The following ACACA variants were observed in gnomAD, a reference collection of about 807,000 sequenced individuals.
ACACA encodes the protein acetyl-CoA carboxylase alpha.
A neutral mutation model predicts 296.1 loss-of-function variants in ACACA; 103 were observed. That is an observed-to-expected ratio of 0.35 (90% confidence interval 0.30 to 0.41). ACACA has a LOEUF of 0.41. Ranked by LOEUF, ACACA falls within the 10% of genes least tolerant of loss-of-function variation. The pLI, the probability that ACACA is intolerant of heterozygous loss-of-function variation, is 1.00. For synonymous variants in ACACA, 953 were observed against 1,038.6 expected (o/e 0.92, Z 1.58); for missense variants, 1,554 against 2,989.7 (o/e 0.52, Z 11.20).
At chr17:37,323,429 TA>T (rs1238676639) in intron 3 of ACACA, among the ~76,000 whole-genome samples, 2 of 152,182 alleles carry the variant, frequency 1.3e-5, no homozygotes, top group Non-Finnish European at 2.9e-5. Context: ...ACCCCATCTC[TA>T]AAAAAATTTT....
At chr17:37,277,623 G>A (rs1346144269) in intron 6 of ACACA, among the ~76,000 whole-genome samples, 2 of 152,142 alleles carry the variant, frequency 1.3e-5, no homozygotes, top group African/African-American at 4.8e-5. Flanking sequence ...ACAACAAACA[G>A]GTAATTTTTA....
In ACACA at chr17:37,252,999, C is replaced by T; in HGVS notation, c.1864G>A (p.Gly622Ser). ...VVALKELSIR[G>S]DFRTTVEYLI... Reference sequence around the variant, plus strand: ...TATTCAACTGTAGTTCGAAAGTCACCCCGAATAGACAGCTCCTTCAAAGCC... The same window carrying T: ...TATTCAACTGTAGTTCGAAAGTCACTCCGAATAGACAGCTCCTTCAAAGCC... The change falls in exon 15 of 56, where the codon GGT becomes AGT. Residue 622 changes from glycine to serine, a missense_variant. Coordinates refer to ENST00000616317, the MANE Select transcript of ACACA (RefSeq NM_198834.3). 6.2e-7 allele frequency: 1 copy of T among 1,614,180 alleles called. No individual in the cohort carries two copies. The highest frequency in any genetic ancestry group is 8.5e-7 in the Non-Finnish European group (1 of 1,180,026).
intron 52 of ACACA, among the ~76,000 whole-genome samples, chr17:37,107,556 A>T (rs1220550736): frequency 6.6e-6 from 1 of 152,170 alleles, no homozygotes; most frequent in Non-Finnish European, 1.5e-5. Flanking sequence ...GCCTAGAAGG[A>T]CCAGGCAAGG....
At chr17:37,087,487 C>G (rs771797568) in intron 55 of ACACA, 48 bp from the exon 56 acceptor site, 1 of 1,612,454 alleles carries the variant, frequency 6.2e-7, no homozygotes, top group South Asian at 1.1e-5. Flanking sequence ...GCAGAAGTGT[C>G]TAGATGAGGA....
intron 3 of ACACA, among the ~76,000 whole-genome samples, chr17:37,329,376 A>G (rs927914137): frequency 7.9e-5 from 12 of 152,150 alleles, no homozygotes; most frequent in Non-Finnish European, 1.5e-4. Context: ...GTAGTGGTTC[A>G]TATCTTTAAT....
chr17:37,147,874 T>C (rs1031461323), intron 45 of ACACA, among the ~76,000 whole-genome samples: 1 of 152,168 alleles, frequency 6.6e-6, no homozygotes, highest in Admixed American at 6.5e-5. Context: ...TCAATCAGAT[T>C]TTAAGAAATC....
chr17:37,260,099 C>A (rs2081380035), intron 11 of ACACA, among the ~76,000 whole-genome samples: 1 of 150,276 alleles, frequency 6.7e-6, no homozygotes, highest in Non-Finnish European at 1.5e-5. Flanking sequence ...CCAGCCTGGT[C>A]TCAAACTCCT....
chr17:37,258,355 G>C lies in ACACA; in HGVS notation c.1519C>G (p.Leu507Val). 6.2e-7 allele frequency: 1 copy of C among 1,614,000 alleles called. No individual in the cohort carries two copies. Residue 507 changes from leucine (L) to valine (V), a missense_variant, in exon 13 of 56, where the codon CTA (leucine) becomes GTA (valine). Physicochemically the swap from Leu to Val is conservative, Grantham distance 32. Transcript: ENST00000616317. Reference protein sequence around the residue: ...AQLQIAMGIPLYRIKDIRMMY... With the variant: ...AQLQIAMGIPVYRIKDIRMMY... ...ATACGGATATCCTTGATTCTATATAGAGGAATCCCCATGGCAATCTGAAAG... is the reference window on the plus strand; with the variant it reads ...ATACGGATATCCTTGATTCTATATACAGGAATCCCCATGGCAATCTGAAAG...
intron 1 of ACACA, among the ~76,000 whole-genome samples, chr17:37,347,218 C>T (rs2048667145): frequency 1.3e-5 from 2 of 152,184 alleles, no homozygotes; most frequent in African/African-American, 4.8e-5. Context: ...CAAGCTCTCT[C>T]TCTGCCTGCT....
chr17:37,272,037 A>C (rs2082093993), intron 9 of ACACA, among the ~76,000 whole-genome samples: 2 of 152,232 alleles, frequency 1.3e-5, no homozygotes, highest in Non-Finnish European at 1.5e-5. Flanking sequence ...CTACATTATA[A>C]GAATATCTTT....
chr17:37,384,257 T>C (rs961413900), intron 1 of ACACA, among the ~76,000 whole-genome samples: 1 of 152,186 alleles, frequency 6.6e-6, no homozygotes, highest in African/African-American at 2.4e-5. Context: ...TGTTCTGCAA[T>C]ACAAATGCTC....
intron 3 of ACACA, chr17:37,289,362 G>T (rs2082938443): frequency 1.1e-6 from 1 of 950,180 alleles, no homozygotes; most frequent in Non-Finnish European, 1.4e-6. Context: ...TTAAAGAACT[G>T]TTACTAATGG....
chr17:37,192,382 A>G, intron 36 of ACACA, 77 bp from the exon 37 acceptor site: 1 of 1,321,222 alleles, frequency 7.6e-7, no homozygotes, highest in Non-Finnish European at 1.1e-6. Flanking sequence ...AATGTAAAAG[A>G]GATGCCTGAA....
At chr17:37,209,432 G>A (rs992958371) in intron 30 of ACACA, among the ~76,000 whole-genome samples, 2 of 152,150 alleles carry the variant, frequency 1.3e-5, no homozygotes, top group African/African-American at 4.8e-5. Context: ...GGCAACCATG[G>A]GGTTAAGTAG....
intron 1 of ACACA, among the ~76,000 whole-genome samples, chr17:37,341,595 C>G (rs187167168): frequency 1.3e-5 from 2 of 151,070 alleles, no homozygotes; most frequent in Admixed American, 1.3e-4. Flanking sequence ...GAGGCTGAGG[C>G]AGGAGAATCG....
At position 37,406,381 on chromosome 17, in the gene ACACA, C is replaced by T. The variant is rs973138757; in HGVS notation, c.-82G>A. 3.4e-6 allele frequency: 5 copies of T among 1,486,192 alleles called. No individual in the cohort carries two copies. The highest frequency in any genetic ancestry group is 4.7e-6 in the Non-Finnish European group (5 of 1,064,086). 92.1% of individuals were successfully genotyped at this position (1,486,192 alleles called of 1,614,324 possible). ...TTCCAAAGAAGACAATTTCGACGTT[C>T]CAGGAGCATCTGATTGAAACGCACC... is the stretch of plus-strand genomic sequence containing the variant. On this transcript the variant is annotated 5_prime_UTR_variant, in exon 1 of 56. Transcript: ENST00000616317.
chr17:37,346,126 T>C (rs147970551), intron 1 of ACACA, among the ~76,000 whole-genome samples: 329 of 152,220 alleles, frequency 2.2e-3, no homozygotes, highest in Non-Finnish European at 4.1e-3. Context: ...TAGTTACTAT[T>C]GTACCAATGT....
At chr17:37,117,900 C>A (rs2074335054) in intron 50 of ACACA, among the ~76,000 whole-genome samples, 1 of 151,840 alleles carries the variant, frequency 6.6e-6, no homozygotes, top group Admixed American at 6.6e-5. Flanking sequence ...ACAGTGCAGT[C>A]GGCTCCTGGC....
At chr17:37,244,985 A>C (rs992270535) in intron 20 of ACACA, 95 bp downstream of exon 20, 1 of 1,571,856 alleles carries the variant, frequency 6.4e-7, no homozygotes, top group Non-Finnish European at 8.8e-7. Context: ...GCTAAAGAAA[A>C]CACTGGCAAA....
Sources: allele counts gnomAD v4.1 joint callset (sites outside exome capture counted in the v4.1 genomes callset), GRCh38; gene constraint gnomAD v4.1.1; transcripts MANE v1.5; gene names NCBI Gene and HGNC (gene_info 2026-07-23, HGNC 2026-07-21).